Variants in AKR1C4 observed in about 807,000 individuals in gnomAD.
AKR1C4 encodes aldo-keto reductase family 1 member C4.
AKR1C4 carries 44 observed loss-of-function variants against 41.0 expected under a neutral mutation model. That is an observed-to-expected ratio of 1.07 (90% confidence interval 0.84 to 1.38). The LOEUF is 1.38. AKR1C4 is among the 40% of genes most tolerant of loss of function. The pLI is 0.00. For missense variants in AKR1C4, 438 were observed against 387.9 expected, an observed-to-expected ratio of 1.13 and a Z score of -1.09; for synonymous variants, 165 against 137.7, an observed-to-expected ratio of 1.20 and a Z score of -1.39.
At position 5,200,301 on chromosome 10, in the gene AKR1C4, A is replaced by G; in HGVS notation, c.205A>G (p.Ile69Val). 1 of 1,614,202 alleles carries G rather than the reference A, an allele frequency of 6.2e-7. No homozygotes were observed. Among genetic ancestry groups the G allele is most frequent in the Non-Finnish European group, 8.5e-7 (1 of 1,180,002 alleles). ...EQVGLAIRSK[I>V]ADGSVKREDI... ...GGTTGGACTGGCCATCCGAAGCAAG[A>G]TTGCAGATGGCAGTGTGAAGAGAGA... The change falls in exon 2 of 9, where the codon ATT becomes GTT. Residue 69 changes from isoleucine to valine, a missense_variant. Physicochemically the swap from Ile to Val is conservative, Grantham distance 29 (BLOSUM62 3). Coordinates refer to ENST00000263126, the MANE Select transcript of AKR1C4 (RefSeq NM_001818.5).
intron 2 of AKR1C4, among the ~76,000 whole-genome samples, chr10:5,204,089 T>C (rs992843172): frequency 1.3e-5 from 2 of 152,234 alleles, no homozygotes; most frequent in Non-Finnish European, 2.9e-5. Context: ...AAAATTAGAC[T>C]ATTCAAATGC....
rs1832594241 is a variant in AKR1C4, at chr10:5,212,640, C to A, written c.595C>A (p.Gln199Lys). The change falls in exon 6 of 9, where the codon CAG becomes AAG. Residue 199 changes from glutamine (Q) to lysine (K), a missense_variant. Physicochemically the swap from Gln to Lys is moderately conservative, Grantham distance 53. Transcript: ENST00000263126. Reference protein sequence around the residue: ...NQVECHPYLNQSKLLDFCKSK... With the variant: ...NQVECHPYLNKSKLLDFCKSK... ...GGTAGAATGTCATCCTTACCTCAAC[C>A]AGAGCAAACTGCTGGATTTCTGCAA... 1.1e-5 allele frequency: 17 copies of A among 1,613,378 alleles called. No individual in the cohort carries two copies. Among genetic ancestry groups the A allele is most frequent in the Non-Finnish European group, 1.4e-5 (17 of 1,179,860 alleles).
Position 5,218,893 on chromosome 10 carries a change from A to G in AKR1C4, c.*133A>G. On this transcript the variant is annotated 3_prime_UTR_variant, in exon 9 of 9. Coordinates refer to ENST00000263126, the MANE Select transcript of AKR1C4 (RefSeq NM_001818.5). ...CCCCTCCTGCTTGGCAACTTCAGCT[A>G]GCTAGATATATCCATGGTCCAGAAA... 1.5e-6 allele frequency: 1 copy of G among 680,316 alleles called. No homozygotes were observed. Among genetic ancestry groups the G allele is most frequent in the Admixed American group, 2.6e-5 (1 of 39,168 alleles). The allele number at this position is 680,316 out of a possible 1,614,324, so 42.1% of individuals were successfully genotyped here.
intron 7 of AKR1C4, among the ~76,000 whole-genome samples, chr10:5,214,547 A>G (rs571475191): frequency 4.6e-5 from 7 of 152,300 alleles, no homozygotes; most frequent in African/African-American, 1.7e-4. Context: ...CATAGACCAT[A>G]TGAATATTCA....
At chr10:5,215,533 C>T (rs895940627) in intron 7 of AKR1C4, among the ~76,000 whole-genome samples, 1 of 152,136 alleles carries the variant, frequency 6.6e-6, no homozygotes, top group Non-Finnish European at 1.5e-5. Flanking sequence ...TTCCTTTGCA[C>T]CCATACCTGA....
chr10:5,206,425 C>T (rs1450887294), intron 5 of AKR1C4, 28 bp downstream of exon 5: 3 of 1,613,692 alleles, frequency 1.9e-6, no homozygotes, highest in African/African-American at 2.7e-5. Context: ...CCTCTCCTTT[C>T]TCTTCTCAAT....
Position 5,212,981 on chromosome 10 carries a change from G to T in AKR1C4, c.681-13G>T. The T allele has an allele frequency of 6.2e-7, 1 of 1,613,038 alleles. No homozygotes were observed. The highest frequency in any genetic ancestry group is 8.5e-7 in the Non-Finnish European group (1 of 1,179,282). ...CAGCCTCAAGACTTCAGCATTTCTG[G>T]CTTTCCTTCCAGGGTGGACCCAAAC... is the stretch of plus-strand genomic sequence containing the variant. On this transcript the variant is annotated splice_polypyrimidine_tract_variant and intron_variant, in intron 6 of 8. Coordinates refer to ENST00000263126, the MANE Select transcript of AKR1C4 (RefSeq NM_001818.5).
chr10:5,218,745 T>A lies in AKR1C4; in HGVS notation c.957T>A (p.Phe319Leu), dbSNP rs1457100500. 1 of 1,604,720 alleles carries A rather than the reference T, an allele frequency of 6.2e-7. No individual in the cohort carries two copies. The highest frequency in any genetic ancestry group is 8.5e-7 in the Non-Finnish European group (1 of 1,171,440). ...TTATGGACCATCCTGATTATCCATT[T>A]TCAGATGAATATTAGCATAGAGGGT... ...DFLMDHPDYP[F>L]SDEY Residue 319 changes from phenylalanine to leucine, a missense_variant, in exon 9 of 9, where the codon TTT becomes TTA. Physicochemically the swap from Phe to Leu is conservative, Grantham distance 22. Coordinates refer to ENST00000263126, the MANE Select transcript of AKR1C4 (RefSeq NM_001818.5).
chr10:5,209,761 C>T (rs1190797180), intron 5 of AKR1C4, among the ~76,000 whole-genome samples: 2 of 152,140 alleles, frequency 1.3e-5, no homozygotes, highest in Non-Finnish European at 2.9e-5. Flanking sequence ...AATATCTGCC[C>T]CCATGATTTA....
intron 1 of AKR1C4, among the ~76,000 whole-genome samples, chr10:5,199,617 C>CG (rs1832365501): frequency 1.3e-5 from 2 of 152,118 alleles, no homozygotes; most frequent in Admixed American, 1.3e-4. Context: ...AGTACGCCAG[C>CG]GGGCCACCTA....
chr10:5,215,278 T>A (rs1832638746), intron 7 of AKR1C4, among the ~76,000 whole-genome samples: 1 of 152,194 alleles, frequency 6.6e-6, no homozygotes, highest in Admixed American at 6.5e-5. Context: ...TGATCCCCAG[T>A]GATGGAAGTG....
At position 5,200,184 on chromosome 10, in the gene AKR1C4, C is replaced by T; in HGVS notation, c.88C>T (p.Pro30Ser). ...GFGTYAPPEVPRNRAVEVTKL... is the reference protein window; with the variant it reads ...GFGTYAPPEVSRNRAVEVTKL... The stretch of plus-strand genomic sequence containing the variant: ...CTACCTTTCGTTGCTCCTTCAGGTT[C>T]CGAGGAACAGAGCTGTAGAGGTCAC... The change falls in exon 2 of 9, where the codon CCG becomes TCG. Residue 30 changes from proline to serine, a missense_variant. Pro to Ser is a moderately conservative substitution (Grantham distance 74). Coordinates refer to ENST00000263126, the MANE Select transcript of AKR1C4 (RefSeq NM_001818.5). 1 of 1,610,024 alleles carries T rather than the reference C, an allele frequency of 6.2e-7. No individual in the cohort carries two copies. Among genetic ancestry groups the T allele is most frequent in the Non-Finnish European group, 8.5e-7 (1 of 1,178,460 alleles).
At chr10:5,203,964 G>A (rs1279082518) in intron 2 of AKR1C4, among the ~76,000 whole-genome samples, 1 of 152,178 alleles carries the variant, frequency 6.6e-6, no homozygotes, top group Non-Finnish European at 1.5e-5. Flanking sequence ...TGAAACAACA[G>A]ATAACAGAAG....
In AKR1C4 at chr10:5,205,977, G is replaced by C. The variant is rs34030369; in HGVS notation, c.447+143G>C. The C allele has an allele frequency of 2.3e-3, 2,239 of 973,248 alleles. 28 individuals are homozygous for C. The African/African-American group carries it at 0.032, about 14-fold the overall frequency. 60.3% of individuals were successfully genotyped at this position (973,248 alleles called of 1,614,324 possible). ...ACAAAGGAAGTTTTGCTGAGTGGTA[G>C]GGAAGAATACATGACTGAAATAGAA... On this transcript the variant is annotated intron_variant, in intron 4 of 8. Transcript: ENST00000263126.
At chr10:5,206,526 C>G in intron 5 of AKR1C4, 129 bp downstream of exon 5, 1 of 1,506,692 alleles carries the variant, frequency 6.6e-7, no homozygotes, top group South Asian at 1.3e-5. Flanking sequence ...AAACATCTGT[C>G]TAGAAGAAAA....
intron 5 of AKR1C4, 59 bp downstream of exon 5, chr10:5,206,456 G>T: frequency 1.2e-6 from 2 of 1,607,492 alleles, no homozygotes; most frequent in Non-Finnish European, 1.7e-6. Flanking sequence ...CTGTCCTACT[G>T]CCTGGCTTCC....
At chr10:5,205,452 CAA>C (rs1432822495) in intron 3 of AKR1C4, among the ~76,000 whole-genome samples, 3 of 152,050 alleles carry the variant, frequency 2.0e-5, no homozygotes, top group Non-Finnish European at 2.9e-5. Context: ...CTGTTTGAGT[CAA>C]AGAGAGGCAT....
chr10:5,216,144 C>T (rs1380348153), intron 7 of AKR1C4, among the ~76,000 whole-genome samples: 1 of 152,046 alleles, frequency 6.6e-6, no homozygotes. Context: ...TATCAAATAA[C>T]AAGAGATGAA....
chr10:5,205,276 C>G (rs950233879), intron 3 of AKR1C4, among the ~76,000 whole-genome samples: 3 of 152,138 alleles, frequency 2.0e-5, no homozygotes, highest in Admixed American at 6.5e-5. Flanking sequence ...CATAAAAGAA[C>G]CTCCGTGGGT....
Sources: gnomAD v4.1 joint callset for allele counts (sites outside exome capture counted in the v4.1 genomes callset) on GRCh38, gnomAD v4.1.1 for gene constraint, MANE v1.5 for transcripts, NCBI Gene and HGNC (gene_info 2026-07-23, HGNC 2026-07-21) for gene names.